Variants in PTPA observed in about 807,000 individuals in gnomAD.
The protein encoded by PTPA is serine/threonine-protein phosphatase 2A activator.
PTPA carries 13 observed loss-of-function variants against 43.6 expected under a neutral mutation model. That is an observed-to-expected ratio of 0.30 (90% CI 0.19 to 0.47). PTPA has a LOEUF of 0.47. Ranked by LOEUF, PTPA falls within the 20% of genes least tolerant of loss-of-function variation. PTPA has a pLI of 0.99. For synonymous variants in PTPA, 172 were observed against 158.2 expected (o/e 1.09, Z -0.66); for missense variants, 329 against 411.9 (o/e 0.80, Z 1.74).
chr9:129,136,533 G>A lies in PTPA; in HGVS notation c.623G>A (p.Gly208Glu). The A allele has an allele frequency of 6.2e-7, 1 of 1,613,982 alleles. No homozygotes were observed. The highest frequency in any genetic ancestry group is 8.5e-7 in the Non-Finnish European group (1 of 1,179,916). Residue 208 changes from glycine to glutamate, a missense_variant, in exon 7 of 10, where the codon GGA becomes GAA. By Grantham distance (98) the Gly-to-Glu change is moderately conservative. Transcript: ENST00000393370. ...TYRMEPAGSQGVWGLDDFQFL... is the reference protein window; with the variant it reads ...TYRMEPAGSQEVWGLDDFQFL... The stretch of plus-strand genomic sequence containing the variant: ...AGGATGGAGCCAGCCGGCAGCCAGG[G>A]AGTGTGGGGTCTGGATGACTTCCAG...
At chr9:129,122,979 G>A (rs950723199) in intron 2 of PTPA, 73 bp from the exon 3 acceptor site, 9 of 1,193,032 alleles carry the variant, frequency 7.5e-6, no homozygotes, top group South Asian at 1.2e-5. Context: ...GTAACCTGGT[G>A]GAGCTCGGGG....
chr9:129,111,622 C>T lies in PTPA; in HGVS notation c.22C>T (p.Pro8Ser). The part of the protein sequence containing the change: MAEGERQ[P>S]PPDSSEEAPP... The stretch of plus-strand genomic sequence containing the variant: ...CAAGATGGCTGAGGGCGAGCGGCAG[C>T]CGCCGCCAGGTAAGGCCGGCGGGGC... The change falls in exon 1 of 10, where the codon CCG (proline) becomes TCG (serine). Residue 8 changes from proline to serine, a missense_variant. Pro to Ser is a moderately conservative substitution (Grantham distance 74, BLOSUM62 -1). Transcript: ENST00000393370. The T allele has an allele frequency of 2.4e-6, 3 of 1,275,956 alleles. No homozygotes were observed. In the South Asian group the frequency reaches 8.9e-5, roughly 38 times the overall value. The allele number at this position is 1,275,956 out of a possible 1,614,324, so 79.0% of individuals were successfully genotyped here.
At chr9:129,134,506 G>A (rs1051612284) in intron 5 of PTPA, among the ~76,000 whole-genome samples, 8 of 151,970 alleles carry the variant, frequency 5.3e-5, no homozygotes, top group Non-Finnish European at 1.2e-4. Context: ...GTTTTGCCAT[G>A]TTGGCCAGGC....
At chr9:129,142,761 C>T (rs1279001826) in intron 9 of PTPA, 2 of 1,536,282 alleles carry the variant, frequency 1.3e-6, no homozygotes, top group Admixed American at 2.0e-5. Context: ...CACCCCAGCC[C>T]CGAAAAGCTG....
At chr9:129,143,647 C>T in intron 9 of PTPA, 2 of 531,710 alleles carry the variant, frequency 3.8e-6, no homozygotes, top group Non-Finnish European at 6.8e-6. Flanking sequence ...GGCCCTCACT[C>T]CCTTCCGCCC....
chr9:129,124,017 T>G (rs1473260654), intron 3 of PTPA, among the ~76,000 whole-genome samples: 8 of 151,996 alleles, frequency 5.3e-5, no homozygotes, highest in Admixed American at 5.2e-4. Flanking sequence ...TAAAACAGAT[T>G]ACAAAACAGT....
chr9:129,130,690 G>C (rs1164484164), intron 4 of PTPA, among the ~76,000 whole-genome samples: 2 of 152,134 alleles, frequency 1.3e-5, no homozygotes, highest in Non-Finnish European at 2.9e-5. Flanking sequence ...ACTGCTCCCA[G>C]CCTTAAGTTA....
In PTPA at chr9:129,145,331, GAA is replaced by G. The variant is rs758902038; in HGVS notation, c.895-2042_895-2041del. Among the ~76,000 whole-genome samples the G allele has an allele frequency of 2.3e-3, 313 of 133,338 alleles. 1 individual carries two copies. Among genetic ancestry groups the G allele is most frequent in the African/African-American group, 8.1e-3 (299 of 36,904 alleles). The allele number at this position is 133,338 out of a possible 152,430, so 87.5% of individuals were successfully genotyped here. On this transcript the variant is annotated intron_variant, in intron 9 of 9. Coordinates refer to ENST00000393370, the MANE Select transcript of PTPA (RefSeq NM_178000.3). ...GGGCAACAGCGAGACTCCATCTCAG[GAA>G]AAAAAAAAAAAAAGATCACCAAGTC...
chr9:129,132,896 A>G (rs569063566), intron 5 of PTPA, among the ~76,000 whole-genome samples: 2 of 152,248 alleles, frequency 1.3e-5, no homozygotes, highest in South Asian at 4.1e-4. Flanking sequence ...CAGCCTCCCA[A>G]AGTGCTCAGA....
rs548355101 is a variant in PTPA, at chr9:129,131,298, T to C, written c.343-224T>C. Among the ~76,000 whole-genome samples, 3 of 152,280 alleles carry C rather than the reference T, an allele frequency of 2.0e-5. No individual in the cohort carries two copies. The East Asian group carries it at 5.8e-4, about 29-fold the overall frequency. ...GATTCCTCCTGTTTTGCCCCTAGACTCCTGTGCCCTGGAAAAATCAGTTGA... is the reference window on the plus strand; with the variant it reads ...GATTCCTCCTGTTTTGCCCCTAGACCCCTGTGCCCTGGAAAAATCAGTTGA... On this transcript the variant is annotated intron_variant, in intron 4 of 9. Coordinates refer to ENST00000393370, the MANE Select transcript of PTPA (RefSeq NM_178000.3).
At chr9:129,127,872 A>G in intron 3 of PTPA, 1 of 871,464 alleles carries the variant, frequency 1.1e-6, no homozygotes, top group Non-Finnish European at 1.7e-6. Context: ...CCAAACATTT[A>G]ACAGTGAGGA....
At position 129,142,404 on chromosome 9, in the gene PTPA, G is replaced by A. The variant is rs1294362897; in HGVS notation, c.787-41G>A. 2.6e-6 allele frequency: 4 copies of A among 1,534,434 alleles called. No individual in the cohort carries two copies. The South Asian group carries it at 3.8e-5, about 15-fold the overall frequency. On this transcript the variant is annotated intron_variant, in intron 8 of 9. Transcript: ENST00000393370. ...GCAGGGGAGGAGGGATGAGCTCCCA[G>A]CCAGAACCTGTCTCTTCAGCTTGTG...
intron 5 of PTPA, among the ~76,000 whole-genome samples, chr9:129,131,999 C>T (rs978969139): frequency 1.3e-5 from 2 of 152,196 alleles, no homozygotes; most frequent in Non-Finnish European, 2.9e-5. Context: ...CTTACTGAAG[C>T]TTTGAGAAAT....
chr9:129,142,999 T>C (rs759884392), intron 9 of PTPA: 10 of 1,244,928 alleles, frequency 8.0e-6, no homozygotes, highest in East Asian at 5.1e-5. Flanking sequence ...CACTGAGTGG[T>C]GGGAGGTCTG....
intron 5 of PTPA, among the ~76,000 whole-genome samples, chr9:129,132,789 C>G (rs1000294266): frequency 3.9e-5 from 6 of 152,168 alleles, no homozygotes; most frequent in Non-Finnish European, 4.4e-5. Context: ...TGAGCCACTG[C>G]GCCCAGCTGA....
chr9:129,131,119 C>T (rs928789771), intron 4 of PTPA, among the ~76,000 whole-genome samples: 2 of 152,146 alleles, frequency 1.3e-5, no homozygotes, highest in African/African-American at 4.8e-5. Context: ...TGTGAACATT[C>T]TTCTGCACGT....
chr9:129,147,301 C>T, intron 9 of PTPA, 86 bp from the exon 10 acceptor site: 3 of 1,371,202 alleles, frequency 2.2e-6, no homozygotes, highest in Non-Finnish European at 2.1e-6. Flanking sequence ...CCGGGATGGA[C>T]ACCTGGGAGC....
At chr9:129,140,959 A>G (rs776578554) in intron 8 of PTPA, among the ~76,000 whole-genome samples, 10 of 152,066 alleles carry the variant, frequency 6.6e-5, no homozygotes, top group Non-Finnish European at 1.5e-4. Context: ...GGTCCAAGAC[A>G]AGGCCCCCAG....
intron 1 of PTPA, among the ~76,000 whole-genome samples, chr9:129,112,549 C>T (rs1465265887): frequency 1.3e-5 from 2 of 152,168 alleles, no homozygotes; most frequent in African/African-American, 4.8e-5. Context: ...CCCTCCATGC[C>T]CCACAAAAGA....
Sources: gnomAD v4.1 joint callset for allele counts (sites outside exome capture counted in the v4.1 genomes callset) on GRCh38, gnomAD v4.1.1 for gene constraint, MANE v1.5 for transcripts, NCBI Gene and HGNC (gene_info 2026-07-23, HGNC 2026-07-21) for gene names.